Variants in NUP54 observed in about 807,000 individuals in gnomAD.
The protein encoded by NUP54 is nucleoporin p54.
A neutral mutation model predicts 66.4 loss-of-function variants in NUP54; 27 were observed. The ratio of observed to expected loss-of-function variants is 0.41; its 90% CI spans 0.30 to 0.56. The LOEUF is 0.56. NUP54 is among the 20% of genes least tolerant of loss of function. The probability of loss-of-function intolerance (pLI) is 0.34; values close to 1 mark genes in which losing one functional copy is unlikely to be tolerated. For missense variants in NUP54, 486 were observed against 596.3 expected (o/e 0.82, Z 1.93); for synonymous variants, 206 against 210.7 (o/e 0.98, Z 0.19).
At chr4:76,133,047 GATAT>G (rs111375566) in intron 5 of NUP54, among the ~76,000 whole-genome samples, 3 of 111,652 alleles carry the variant, frequency 2.7e-5, no homozygotes, top group East Asian at 2.5e-4. Flanking sequence ...AAATATATAT[GATAT>G]ATATATATAT....
intron 1 of NUP54, chr4:76,145,663 A>C: frequency 1.2e-6 from 1 of 825,478 alleles, no homozygotes; most frequent in Non-Finnish European, 1.7e-6. Context: ...GTCAGTCTTC[A>C]GCTGATTACC....
At chr4:76,119,123 A>G (rs1174948823) in intron 9 of NUP54, among the ~76,000 whole-genome samples, 1 of 152,208 alleles carries the variant, frequency 6.6e-6, no homozygotes, top group Non-Finnish European at 1.5e-5. Flanking sequence ...TTCTTTAAAG[A>G]TGAGTTTATA....
chr4:76,147,747 T>G, intron 1 of NUP54: 7 of 846,466 alleles, frequency 8.3e-6, no homozygotes, highest in Non-Finnish European at 1.1e-5. Flanking sequence ...TTCACAGAAG[T>G]GAACAAACCT....
At chr4:76,125,909 GA>G in intron 8 of NUP54, among the ~76,000 whole-genome samples, 1 of 149,334 alleles carries the variant, frequency 6.7e-6, no homozygotes, top group East Asian at 2.1e-4. Context: ...ATCTCAAAAG[GA>G]AAAAAAGAAA....
intron 5 of NUP54, among the ~76,000 whole-genome samples, chr4:76,133,433 G>C (rs939059850): frequency 6.6e-6 from 1 of 151,502 alleles, no homozygotes; most frequent in Non-Finnish European, 1.5e-5. Context: ...AGCCTCCCTC[G>C]TAGCTGGGAC....
intron 11 of NUP54, among the ~76,000 whole-genome samples, chr4:76,115,708 A>G (rs1003061440): frequency 6.6e-6 from 1 of 152,216 alleles, no homozygotes; most frequent in Non-Finnish European, 1.5e-5. Flanking sequence ...TCAAACAAAT[A>G]TATAATGAAC....
chr4:76,134,075 G>T, intron 5 of NUP54, 100 bp downstream of exon 5: 1 of 736,304 alleles, frequency 1.4e-6, no homozygotes, highest in South Asian at 2.3e-5. Flanking sequence ...ATTCTGCTCT[G>T]AGAGTTAATT....
At chr4:76,126,659 G>C (rs199906187) in intron 8 of NUP54, among the ~76,000 whole-genome samples, 2 of 115,474 alleles carry the variant, frequency 1.7e-5, no homozygotes, top group South Asian at 5.3e-4. Flanking sequence ...ATCCAAGAAA[G>C]CCATCTAGGA....
chr4:76,142,478 T>C (rs1425310677), intron 3 of NUP54, among the ~76,000 whole-genome samples: 1 of 152,206 alleles, frequency 6.6e-6, no homozygotes, highest in African/African-American at 2.4e-5. Flanking sequence ...ATTGGAAAAG[T>C]GAAAAGAGCA....
chr4:76,125,352 G>A lies in NUP54; in HGVS notation c.1057-596C>T, dbSNP rs112387778. ...CACACACACACACACACACACACACGGCTGGGCACAGTGGGTCACTCCTGT... is the reference window on the plus strand; with the variant it reads ...CACACACACACACACACACACACACAGCTGGGCACAGTGGGTCACTCCTGT... On this transcript the variant is annotated intron_variant, in intron 8 of 11. Coordinates refer to ENST00000264883, the MANE Select transcript of NUP54 (RefSeq NM_017426.4). 4.3e-3 allele frequency among the ~76,000 whole-genome samples: 587 copies of A among 137,110 alleles called. 8 individuals carry two copies. Among genetic ancestry groups the A allele is most frequent in the African/African-American group, 0.017 (554 of 33,332 alleles). 89.9% of individuals were successfully genotyped at this position (137,110 alleles called of 152,430 possible).
intron 3 of NUP54, among the ~76,000 whole-genome samples, chr4:76,140,849 T>C (rs1731239783): frequency 6.6e-6 from 1 of 152,168 alleles, no homozygotes; most frequent in South Asian, 2.1e-4. Context: ...TTGGGGTTTT[T>C]TCAGGCAAAT....
chr4:76,124,389 C>A (rs975800459), intron 9 of NUP54, among the ~76,000 whole-genome samples: 1 of 152,108 alleles, frequency 6.6e-6, no homozygotes, highest in Non-Finnish European at 1.5e-5. Flanking sequence ...GCTTCCCTTG[C>A]ACTAAGATGC....
rs11558468 is a variant in NUP54, at chr4:76,136,348, A to G, written c.360T>C (p.Thr120=). ...APTQSNQLIN[T]ASALSAPTLL... is the part of the protein sequence containing the mutation. ...GCGTTGGAGCAGAAAGAGCACTCGC[A>G]GTATTTATCAGCTGGTTGGACTGGG... The change falls in exon 4 of 12, where the codon ACT becomes ACC. Residue 120 remains threonine, a synonymous_variant. Coordinates refer to ENST00000264883, the MANE Select transcript of NUP54 (RefSeq NM_017426.4). 238,578 of 1,613,868 alleles carry G rather than the reference A, an allele frequency of 0.15. 19,151 individuals carry two copies. Among genetic ancestry groups the G allele is most frequent in the East Asian group, 0.35 (15,521 of 44,860 alleles).
At chr4:76,118,779 T>C (rs1314196755) in intron 9 of NUP54, among the ~76,000 whole-genome samples, 1 of 150,868 alleles carries the variant, frequency 6.6e-6, no homozygotes, top group Non-Finnish European at 1.5e-5. Context: ...ACAAGGCGGG[T>C]GGATCAAGAG....
rs1222259565 is a variant in NUP54 at position 76,147,700 on chromosome 4, G to C, written c.67+608C>G. 59 of 1,197,798 alleles carry C rather than the reference G, an allele frequency of 4.9e-5. 2 individuals carry two copies. Among genetic ancestry groups the C allele is most frequent in the Non-Finnish European group, 5.1e-5 (47 of 917,872 alleles). 74.2% of individuals were successfully genotyped at this position (1,197,798 alleles called of 1,614,324 possible). On this transcript the variant is annotated intron_variant, in intron 1 of 11. Coordinates refer to ENST00000264883, the MANE Select transcript of NUP54 (RefSeq NM_017426.4). ...AAAAGGGGGAGAGGGAAAAAGAAAA[G>C]AAAGCAAGATAAGGATTAGAAGAAT...
intron 1 of NUP54, among the ~76,000 whole-genome samples, chr4:76,145,148 G>A (rs201636571): frequency 6.6e-6 from 1 of 150,768 alleles, no homozygotes; most frequent in Non-Finnish European, 1.5e-5. Context: ...GAAACCCCGT[G>A]TCTACTAAAA....
intron 5 of NUP54, 47 bp from the exon 6 acceptor site, chr4:76,132,766 T>C (rs775652435): frequency 1.7e-5 from 24 of 1,436,570 alleles, no homozygotes; most frequent in South Asian, 1.3e-4. Flanking sequence ...ACAAAACTCA[T>C]AGCGACAAAC....
chr4:76,135,213 GGTT>G (rs1035647062), intron 4 of NUP54, among the ~76,000 whole-genome samples: 45 of 151,784 alleles, frequency 3.0e-4, no homozygotes, highest in African/African-American at 8.5e-4. Flanking sequence ...TATGAAACAG[GGTT>G]GTTGTTTTTT....
At position 76,125,342 on chromosome 4, in the gene NUP54, A is replaced by ACGCGCGCG. The variant is rs559582443; in HGVS notation, c.1057-587_1057-586insCGCGCGCG. 3.5e-4 allele frequency among the ~76,000 whole-genome samples: 53 copies of ACGCGCGCG among 149,820 alleles called. No homozygotes were observed. The East Asian group carries it at 6.1e-3, about 17-fold the overall frequency. ...CACACACACACACACACACACACAC[A>ACGCGCGCG]CACACACACGGCTGGGCACAGTGGG... On this transcript the variant is annotated intron_variant, in intron 8 of 11. Coordinates refer to ENST00000264883, the MANE Select transcript of NUP54 (RefSeq NM_017426.4).
Sources: allele counts gnomAD v4.1 joint callset (sites outside exome capture counted in the v4.1 genomes callset), GRCh38; gene constraint gnomAD v4.1.1; transcripts MANE v1.5; gene names NCBI Gene and HGNC (gene_info 2026-07-23, HGNC 2026-07-21).